The following LIX1 variants were observed in gnomAD, a reference collection of about 807,000 sequenced individuals.
The protein encoded by LIX1 is limb and CNS expressed 1.
LIX1 carries 24 observed loss-of-function variants against 33.4 expected under a neutral mutation model. The ratio of observed to expected loss-of-function variants is 0.72; its 90% confidence interval spans 0.52 to 1.01. LIX1 has a LOEUF of 1.01. Among genes scored for constraint, LIX1 ranks in the 50% least tolerant of loss-of-function variants. The pLI is 0.00. For synonymous variants in LIX1, 124 were observed against 124.0 expected, an observed-to-expected ratio of 1.00 and a Z score of 0.00; for missense variants, 311 against 339.2, an observed-to-expected ratio of 0.92 and a Z score of 0.65.
At chr5:97,108,010 C>T (rs1747153242) in intron 2 of LIX1, among the ~76,000 whole-genome samples, 2 of 152,192 alleles carry the variant, frequency 1.3e-5, no homozygotes, top group South Asian at 4.1e-4. Flanking sequence ...CTCTGCACCT[C>T]AATTTCCTCC....
intron 2 of LIX1, among the ~76,000 whole-genome samples, chr5:97,107,925 C>A (rs1747145431): frequency 6.6e-6 from 1 of 152,126 alleles, no homozygotes; most frequent in Non-Finnish European, 1.5e-5. Context: ...TAATTAAGAA[C>A]ACAAATTCTA....
Position 97,117,866 on chromosome 5 carries a change from C to T in LIX1, c.246+6600G>A, listed in dbSNP as rs73143143. On this transcript the variant is annotated intron_variant, in intron 2 of 5. Transcript: ENST00000274382. ...AGCTCATCTGCACTGTGTGCCACCC[C>T]GCATCTCACTACTCTGCAGCCCTGT... 8.5e-3 allele frequency among the ~76,000 whole-genome samples: 1,290 copies of T among 152,040 alleles called. 21 individuals carry two copies. Among genetic ancestry groups the T allele is most frequent in the African/African-American group, 0.029 (1,205 of 41,444 alleles).
intron 1 of LIX1, among the ~76,000 whole-genome samples, chr5:97,128,453 C>T (rs959886675): frequency 6.6e-6 from 1 of 152,104 alleles, no homozygotes; most frequent in African/African-American, 2.4e-5. Context: ...GTCTTGTCTC[C>T]TCTTGTTCTC....
intron 1 of LIX1, among the ~76,000 whole-genome samples, chr5:97,127,996 C>A (rs968629376): frequency 3.3e-5 from 5 of 152,318 alleles, no homozygotes; most frequent in South Asian, 4.1e-4. Flanking sequence ...TCTTTCCCAG[C>A]AGCCAAAGTG....
intron 2 of LIX1, among the ~76,000 whole-genome samples, chr5:97,116,118 C>A (rs540371545): frequency 1.3e-5 from 2 of 152,188 alleles, no homozygotes; most frequent in Non-Finnish European, 2.9e-5. Context: ...GTGTCACCAA[C>A]ACCTCGGTTT....
At chr5:97,142,206 T>C (rs551250546) in intron 1 of LIX1, among the ~76,000 whole-genome samples, 1 of 152,348 alleles carries the variant, frequency 6.6e-6, no homozygotes, top group African/African-American at 2.4e-5. Flanking sequence ...TTTGCTTTAC[T>C]TAAAAAGCAT....
chr5:97,131,378 T>C (rs1580245585), intron 1 of LIX1, among the ~76,000 whole-genome samples: 1 of 152,348 alleles, frequency 6.6e-6, no homozygotes, highest in East Asian at 1.9e-4. Flanking sequence ...TCTTACTCAC[T>C]GGCTCCTACC....
intron 2 of LIX1, among the ~76,000 whole-genome samples, chr5:97,112,681 T>C (rs1313819780): frequency 1.3e-5 from 2 of 152,154 alleles, no homozygotes; most frequent in East Asian, 1.9e-4. Flanking sequence ...GCTTTCCGAG[T>C]GGCCAGCAGA....
chr5:97,103,103 G>A (rs752250404), intron 4 of LIX1: 1 of 452,366 alleles, frequency 2.2e-6, no homozygotes, highest in Non-Finnish European at 4.4e-6. Flanking sequence ...AGGTCTGTAT[G>A]ACTTTTTAAA....
intron 2 of LIX1, among the ~76,000 whole-genome samples, chr5:97,118,977 T>G (rs1449046545): frequency 6.6e-6 from 1 of 152,230 alleles, no homozygotes; most frequent in Non-Finnish European, 1.5e-5. Flanking sequence ...AACCAGTGGT[T>G]TGTATCCATC....
intron 3 of LIX1, 94 bp from the exon 4 acceptor site, chr5:97,105,379 AT>A: frequency 9.7e-7 from 1 of 1,030,224 alleles, no homozygotes; most frequent in Non-Finnish European, 1.5e-6. Context: ...CAGTAAGCCT[AT>A]TTTTGGTCTA....
At position 97,093,847 on chromosome 5, in the gene LIX1, C is replaced by T. The variant is rs749371567; in HGVS notation, c.*901G>A. ...TCTCTCAAATGCTGGTGAAACTAAT[C>T]AAATGCAAGCATTCTTTGTTACATG... On this transcript the variant is annotated 3_prime_UTR_variant, in exon 6 of 6. Coordinates refer to ENST00000274382, the MANE Select transcript of LIX1 (RefSeq NM_153234.5). 12 of 152,236 alleles carry T rather than the reference C, an allele frequency of 7.9e-5. No homozygotes were observed. The highest frequency in any genetic ancestry group is 1.8e-4 in the Non-Finnish European group (12 of 68,020). The allele number at this position is 152,236 out of a possible 1,614,324, so 9.4% of individuals were successfully genotyped here.
At chr5:97,100,627 A>G (rs1023204126) in intron 4 of LIX1, among the ~76,000 whole-genome samples, 1 of 152,200 alleles carries the variant, frequency 6.6e-6, no homozygotes, top group South Asian at 2.1e-4. Flanking sequence ...AAATCTTTGC[A>G]TGCCTCTGAC....
chr5:97,121,131 G>A (rs1248987382), intron 2 of LIX1, among the ~76,000 whole-genome samples: 1 of 152,126 alleles, frequency 6.6e-6, no homozygotes, highest in East Asian at 1.9e-4. Flanking sequence ...GCCCCCTGAA[G>A]TTTCCCTAAA....
In LIX1 at chr5:97,140,595, G is replaced by T. The variant is rs377586878; in HGVS notation, c.82+1900C>A. Among the ~76,000 whole-genome samples the T allele has an allele frequency of 7.2e-5, 11 of 152,314 alleles. 1 individual carries two copies. In the South Asian group the frequency reaches 2.1e-3, roughly 29 times the overall value. ...CGTGTGCAGCACCTACAGCTTGCCA[G>T]GGCAATGGCATAGGCTCCAGACAGA... is the stretch of plus-strand genomic sequence containing the variant. On this transcript the variant is annotated intron_variant, in intron 1 of 5. Coordinates refer to ENST00000274382, the MANE Select transcript of LIX1 (RefSeq NM_153234.5).
At position 97,126,676 on chromosome 5, in the gene LIX1, A is replaced by G. The variant is rs190496954; in HGVS notation, c.83-2047T>C. Among the ~76,000 whole-genome samples the G allele has an allele frequency of 3.0e-3, 448 of 146,926 alleles. 1 individual carries two copies. Among genetic ancestry groups the G allele is most frequent in the Non-Finnish European group, 4.9e-3 (331 of 66,938 alleles). Reference sequence around the variant, plus strand: ...TTTTTTTGAGACAGAGTCTTGCTCAATCGCCCAGGCTGGAGTGCAGTGGCA... The same window carrying G: ...TTTTTTTGAGACAGAGTCTTGCTCAGTCGCCCAGGCTGGAGTGCAGTGGCA... On this transcript the variant is annotated intron_variant, in intron 1 of 5. Coordinates refer to ENST00000274382, the MANE Select transcript of LIX1 (RefSeq NM_153234.5).
rs116498386 is a variant in LIX1, at chr5:97,124,280, A to C, written c.246+186T>G. On this transcript the variant is annotated intron_variant, in intron 2 of 5. Coordinates refer to ENST00000274382, the MANE Select transcript of LIX1 (RefSeq NM_153234.5). The stretch of plus-strand genomic sequence containing the variant: ...TTGAAAATTGAGGGATAATTTACTC[A>C]ATTAAAAGGGTATTTATAAAGGATA... 4.6e-3 allele frequency among the ~76,000 whole-genome samples: 705 copies of C among 152,320 alleles called. 5 individuals carry two copies. The Middle Eastern group carries it at 0.058, about 12-fold the overall frequency.
At chr5:97,122,870 AACTGTAATCT>A (rs1355528038) in intron 2 of LIX1, among the ~76,000 whole-genome samples, 2 of 152,176 alleles carry the variant, frequency 1.3e-5, no homozygotes, top group Non-Finnish European at 2.9e-5. Flanking sequence ...TTACTCTAAC[AACTGTAATCT>A]ACTGTAATCT....
intron 2 of LIX1, among the ~76,000 whole-genome samples, chr5:97,116,348 G>A (rs909262176): frequency 1.3e-5 from 2 of 152,124 alleles, no homozygotes; most frequent in East Asian, 1.9e-4. Context: ...AGTTAATATC[G>A]TGTCTATCCA....
Sources: gnomAD v4.1 joint callset for allele counts (sites outside exome capture counted in the v4.1 genomes callset) on GRCh38, gnomAD v4.1.1 for gene constraint, MANE v1.5 for transcripts, NCBI Gene and HGNC (gene_info 2026-07-23, HGNC 2026-07-21) for gene names.